TMEFF1: variants seen among roughly 807,000 people sequenced by gnomAD.
The protein encoded by TMEFF1 is tomoregulin-1.
TMEFF1 carries 20 observed loss-of-function variants against 47.5 expected under a neutral mutation model. That is an observed-to-expected ratio of 0.42 (90% CI 0.30 to 0.61). TMEFF1 has a LOEUF of 0.61. TMEFF1 is among the 20% of genes least tolerant of loss of function. The probability of loss-of-function intolerance (pLI) is 0.19; values close to 1 mark genes in which losing one functional copy is unlikely to be tolerated. For missense variants in TMEFF1, 411 were observed against 471.1 expected (o/e 0.87, Z 1.18); for synonymous variants, 162 against 166.3 (o/e 0.97, Z 0.20).
Position 100,577,288 on chromosome 9 carries a change from A to G in TMEFF1, c.*688A>G, listed in dbSNP as rs1839369343. On this transcript the variant is annotated 3_prime_UTR_variant, in exon 10 of 10. Coordinates refer to ENST00000374879, the MANE Select transcript of TMEFF1 (RefSeq NM_003692.5). Reference sequence around the variant, plus strand: ...TAAAGCCTATTCTACCAGTTAAACTACTTTAATACACATTCATTTTTAAAG... The same window carrying G: ...TAAAGCCTATTCTACCAGTTAAACTGCTTTAATACACATTCATTTTTAAAG... The G allele has an allele frequency of 6.6e-6, 1 of 152,642 alleles. No individual in the cohort carries two copies. The highest frequency in any genetic ancestry group is 2.4e-5 in the African/African-American group (1 of 41,470). The allele number at this position is 152,642 out of a possible 1,614,324, so 9.5% of individuals were successfully genotyped here.
intron 5 of TMEFF1, among the ~76,000 whole-genome samples, chr9:100,539,332 G>T (rs1414759755): frequency 6.6e-6 from 1 of 152,174 alleles, no homozygotes; most frequent in Non-Finnish European, 1.5e-5. Context: ...ACTGTGTCCG[G>T]AATTGGTGGG....
At chr9:100,551,671 A>G (rs1052113979) in intron 7 of TMEFF1, among the ~76,000 whole-genome samples, 2 of 152,236 alleles carry the variant, frequency 1.3e-5, no homozygotes, top group Non-Finnish European at 2.9e-5. Context: ...CTCTAATTTA[A>G]ATGAAATTAT....
chr9:100,570,123 A>G (rs1839205027), intron 8 of TMEFF1, among the ~76,000 whole-genome samples: 1 of 152,054 alleles, frequency 6.6e-6, no homozygotes, highest in African/African-American at 2.4e-5. Flanking sequence ...CTTCTTTTTT[A>G]TGGCTGAATA....
intron 5 of TMEFF1, among the ~76,000 whole-genome samples, chr9:100,533,631 CCTT>C (rs1838444910): frequency 6.6e-6 from 1 of 151,748 alleles, no homozygotes; most frequent in East Asian, 1.9e-4. Context: ...TATATATTTT[CCTT>C]CTTTTTGTTT....
At chr9:100,478,460 C>T (rs912180574) in intron 1 of TMEFF1, among the ~76,000 whole-genome samples, 1 of 152,076 alleles carries the variant, frequency 6.6e-6, no homozygotes, top group Non-Finnish European at 1.5e-5. Context: ...ACTACAGGTG[C>T]GTGCCACCAC....
chr9:100,480,292 T>C (rs1320561336), intron 1 of TMEFF1, among the ~76,000 whole-genome samples: 1 of 152,184 alleles, frequency 6.6e-6, no homozygotes, highest in Non-Finnish European at 1.5e-5. Context: ...AAATGCTAAG[T>C]TGGCTCTCGT....
intron 1 of TMEFF1, among the ~76,000 whole-genome samples, chr9:100,478,714 C>T (rs1300979491): frequency 6.6e-6 from 1 of 151,246 alleles, no homozygotes; most frequent in Non-Finnish European, 1.5e-5. Flanking sequence ...AAATACATGA[C>T]ATATGTGAAG....
intron 5 of TMEFF1, among the ~76,000 whole-genome samples, chr9:100,534,461 C>G (rs1838465896): frequency 6.6e-6 from 1 of 152,144 alleles, no homozygotes; most frequent in Non-Finnish European, 1.5e-5. Flanking sequence ...AGAGTGATTT[C>G]TATTCATTTG....
At chr9:100,534,914 C>T (rs1838473646) in intron 5 of TMEFF1, among the ~76,000 whole-genome samples, 1 of 152,150 alleles carries the variant, frequency 6.6e-6, no homozygotes, top group African/African-American at 2.4e-5. Context: ...GTTTTGCCCA[C>T]TTTTATCCTT....
chr9:100,510,991 A>G (rs1256696623), intron 3 of TMEFF1, among the ~76,000 whole-genome samples: 1 of 152,134 alleles, frequency 6.6e-6, no homozygotes, highest in Non-Finnish European at 1.5e-5. Context: ...CTCCCTTAAC[A>G]AATATCCTTC....
chr9:100,530,152 A>G (rs1249863728), intron 5 of TMEFF1, among the ~76,000 whole-genome samples: 1 of 151,644 alleles, frequency 6.6e-6, no homozygotes, highest in African/African-American at 2.4e-5. Flanking sequence ...GAAAGATCCA[A>G]AATTGACACC....
chr9:100,562,184 G>A (rs1839030634), intron 8 of TMEFF1, among the ~76,000 whole-genome samples: 1 of 152,100 alleles, frequency 6.6e-6, no homozygotes, highest in Non-Finnish European at 1.5e-5. Flanking sequence ...GCCAGGTGAT[G>A]TTTCTATAGA....
chr9:100,512,966 A>G (rs1302954744), intron 3 of TMEFF1, among the ~76,000 whole-genome samples: 1 of 152,006 alleles, frequency 6.6e-6, no homozygotes, highest in African/African-American at 2.4e-5. Flanking sequence ...CAAAAACTAA[A>G]ATTTTCTCTT....
intron 5 of TMEFF1, among the ~76,000 whole-genome samples, chr9:100,533,587 CT>C (rs1838443209): frequency 6.6e-6 from 1 of 152,080 alleles, no homozygotes; most frequent in Non-Finnish European, 1.5e-5. Context: ...TTTGGTTTTA[CT>C]AACCTCTGTT....
At chr9:100,484,580 A>G (rs1364328761) in intron 1 of TMEFF1, among the ~76,000 whole-genome samples, 1 of 151,700 alleles carries the variant, frequency 6.6e-6, no homozygotes, top group African/African-American at 2.4e-5. Flanking sequence ...TGGCCTCCCA[A>G]AGTGTTGGGA....
intron 8 of TMEFF1, among the ~76,000 whole-genome samples, chr9:100,564,708 A>T (rs1839089232): frequency 1.3e-5 from 2 of 152,178 alleles, no homozygotes; most frequent in South Asian, 4.1e-4. Flanking sequence ...AGACGATTAG[A>T]GGATTTTAAG....
Position 100,552,863 on chromosome 9 carries a change from G to GAA in TMEFF1, c.775+2716_775+2717dup, listed in dbSNP as rs71356303. Among the ~76,000 whole-genome samples, 6 of 133,774 alleles carry GAA rather than the reference G, an allele frequency of 4.5e-5. No homozygotes were observed. In the East Asian group the frequency reaches 6.6e-4, roughly 15 times the overall value. The allele number at this position is 133,774 out of a possible 152,430, so 87.8% of individuals were successfully genotyped here. On this transcript the variant is annotated intron_variant, in intron 7 of 9. Coordinates refer to ENST00000374879, the MANE Select transcript of TMEFF1 (RefSeq NM_003692.5). ...GGCGACAAAGCAAGACACTGTTTTGGAAAAAAAAAAAAAAGCATTCTAGCC... is the reference window on the plus strand; with the variant it reads ...GGCGACAAAGCAAGACACTGTTTTGGAAAAAAAAAAAAAAAAGCATTCTAGCC...
intron 5 of TMEFF1, among the ~76,000 whole-genome samples, chr9:100,526,955 C>CAAAAAAAAAAAAA (rs55736750): frequency 2.6e-5 from 1 of 38,980 alleles, no homozygotes; most frequent in African/African-American, 9.0e-5. Context: ...GCTAAAAATA[C>CAAAAAAAAAAAAA]AAAAAAAAAA....
intron 5 of TMEFF1, among the ~76,000 whole-genome samples, chr9:100,543,148 G>A (rs141696650): frequency 2.6e-4 from 39 of 152,090 alleles, no homozygotes; most frequent in African/African-American, 8.4e-4. Context: ...GGCTGGTCAC[G>A]AACTCCTGAC....
Sources: gnomAD v4.1 joint callset for allele counts (sites outside exome capture counted in the v4.1 genomes callset) on GRCh38, gnomAD v4.1.1 for gene constraint, MANE v1.5 for transcripts, NCBI Gene and HGNC (gene_info 2026-07-23, HGNC 2026-07-21) for gene names.